The following PDS5A variants were observed in gnomAD, a reference collection of about 807,000 sequenced individuals.
The protein encoded by PDS5A is sister chromatid cohesion protein PDS5 homolog A.
PDS5A carries 42 observed loss-of-function variants against 167.1 expected under a neutral mutation model. The ratio of observed to expected loss-of-function variants is 0.25; its 90% CI spans 0.20 to 0.33. The LOEUF (loss-of-function observed/expected upper bound fraction) is 0.33. Among genes scored for constraint, PDS5A ranks in the 10% least tolerant of loss-of-function variants. PDS5A has a pLI of 1.00. For synonymous variants in PDS5A, 553 were observed against 554.6 expected, an observed-to-expected ratio of 1.00 and a Z score of 0.04; for missense variants, 1,033 against 1,605.9, an observed-to-expected ratio of 0.64 and a Z score of 6.10.
chr4:39,944,128 G>A (rs145887569), intron 2 of PDS5A, among the ~76,000 whole-genome samples: 241 of 138,934 alleles, frequency 1.7e-3, no homozygotes, highest in African/African-American at 6.4e-3. Context: ...GCAGTGAGCC[G>A]AGATCACACC....
chr4:39,909,048 A>ATAAC (rs1560474215), intron 10 of PDS5A, among the ~76,000 whole-genome samples: 8 of 78,956 alleles, frequency 1.0e-4, no homozygotes, highest in East Asian at 1.6e-3. Context: ...CAAAAAATAA[A>ATAAC]ATAAAATAAA....
At chr4:39,886,094 T>C (rs1040113032) in intron 17 of PDS5A, among the ~76,000 whole-genome samples, 3 of 152,258 alleles carry the variant, frequency 2.0e-5, no homozygotes, top group African/African-American at 7.2e-5. Context: ...CCTCCTTGTA[T>C]GTTCTTGACA....
At chr4:39,846,646 A>G (rs1204153954) in intron 28 of PDS5A, 2 of 152,238 alleles carry the variant, frequency 1.3e-5, no homozygotes, top group African/African-American at 4.8e-5. Flanking sequence ...AGGAGTTCAA[A>G]CTTGATCTCT....
At chr4:39,923,638 A>AAC (rs10664167) in intron 5 of PDS5A, among the ~76,000 whole-genome samples, 5,309 of 125,242 alleles carry the variant, frequency 0.042, 167 homozygotes, top group East Asian at 0.13. Context: ...CCTGTCTCAA[A>AAC]ACACACACAC....
intron 26 of PDS5A, among the ~76,000 whole-genome samples, chr4:39,858,177 G>C (rs947313111): frequency 6.6e-6 from 1 of 152,154 alleles, no homozygotes; most frequent in Admixed American, 6.5e-5. Context: ...GCAATATACA[G>C]ATTCAGTCCC....
chr4:39,874,234 T>G, intron 20 of PDS5A, 55 bp downstream of exon 20: 1 of 1,480,794 alleles, frequency 6.8e-7, no homozygotes, highest in Non-Finnish European at 9.3e-7. Context: ...TTCATCAAAC[T>G]ATAGAGCTTA....
At chr4:39,907,505 C>G (rs2109672467) in intron 11 of PDS5A, among the ~76,000 whole-genome samples, 1 of 152,196 alleles carries the variant, frequency 6.6e-6, no homozygotes, top group African/African-American at 2.4e-5. Flanking sequence ...CCTTACACAT[C>G]TGTTTCTTGT....
intron 11 of PDS5A, among the ~76,000 whole-genome samples, chr4:39,906,917 TAAAAAAA>T (rs1191690836): frequency 8.0e-4 from 43 of 54,028 alleles, no homozygotes; most frequent in African/African-American, 2.7e-3. Context: ...ATTTCTTACA[TAAAAAAA>T]AAAAAAAAAA....
intron 2 of PDS5A, among the ~76,000 whole-genome samples, chr4:39,930,246 A>AAAAAAAAAGTTTT: frequency 1.1e-5 from 1 of 93,090 alleles, no homozygotes; most frequent in East Asian, 4.9e-4. Context: ...AAAAAAAAAA[A>AAAAAAAAAGTTTT]GTTTTTTTGT....
At chr4:39,845,726 A>G in intron 29 of PDS5A, 92 bp downstream of exon 29, 1 of 1,243,854 alleles carries the variant, frequency 8.0e-7, no homozygotes, top group Non-Finnish European at 1.0e-6. Flanking sequence ...CAGGAACTAT[A>G]CAATCTAGTG....
At chr4:39,908,288 T>C (rs1336116343) in intron 11 of PDS5A, 107 bp downstream of exon 11, 1 of 866,048 alleles carries the variant, frequency 1.2e-6, no homozygotes, top group African/African-American at 1.7e-5. Context: ...TTGTTATTAA[T>C]TTGATTTTCA....
In PDS5A at chr4:39,863,437, G is replaced by A. The variant is rs1456552052; in HGVS notation, c.2665C>T (p.Arg889Ter). The A allele has an allele frequency of 6.2e-7, 1 of 1,605,036 alleles. No individual in the cohort carries two copies. Among genetic ancestry groups the A allele is most frequent in the Non-Finnish European group, 8.5e-7 (1 of 1,174,950 alleles). ...ATTATGGCACTACCAGCAGCTAATC[G>A]CAAGCGAGACATATCAGATTTACTA... ...RISKSDMSRL[R>*]LAAGSAIMKL... The change falls in exon 24 of 33, where the codon CGA (arginine) becomes TGA (stop). Residue 889 changes from arginine (R) to a stop codon, truncating the protein, a stop_gained. Transcript: ENST00000303538. LOFTEE classifies it high-confidence loss of function.
intron 2 of PDS5A, chr4:39,973,822 C>T: frequency 1.7e-6 from 2 of 1,158,666 alleles, no homozygotes; most frequent in South Asian, 1.2e-5. Context: ...AGCTATTCCA[C>T]AGACTCAGAA....
At chr4:39,845,296 G>A (rs1449098812) in intron 29 of PDS5A, among the ~76,000 whole-genome samples, 1 of 151,966 alleles carries the variant, frequency 6.6e-6, no homozygotes, top group Non-Finnish European at 1.5e-5. Context: ...TAATAACTAG[G>A]TAATATTAAT....
intron 17 of PDS5A, among the ~76,000 whole-genome samples, chr4:39,881,902 T>C (rs1055112614): frequency 7.9e-5 from 12 of 152,184 alleles, no homozygotes; most frequent in Admixed American, 6.5e-5. Context: ...GTTTCCTCCA[T>C]ATTGTTCTTG....
intron 2 of PDS5A, among the ~76,000 whole-genome samples, chr4:39,966,754 T>C (rs1373275616): frequency 6.6e-6 from 1 of 152,104 alleles, no homozygotes. Context: ...TCTCAGTCCT[T>C]TGGGAGGCCA....
intron 11 of PDS5A, among the ~76,000 whole-genome samples, chr4:39,906,869 T>G (rs536728292): frequency 1.3e-4 from 20 of 150,094 alleles, no homozygotes; most frequent in Middle Eastern, 3.4e-3. Context: ...GGAATAAAAC[T>G]TTGTTCCTAT....
At chr4:39,851,017 T>G (rs1052893987) in intron 26 of PDS5A, among the ~76,000 whole-genome samples, 3 of 152,236 alleles carry the variant, frequency 2.0e-5, no homozygotes, top group Non-Finnish European at 4.4e-5. Context: ...TGCATTAGTT[T>G]TTTAGCTTAA....
chr4:39,952,055 C>G (rs1367317981), intron 2 of PDS5A, among the ~76,000 whole-genome samples: 1 of 152,124 alleles, frequency 6.6e-6, no homozygotes, highest in African/African-American at 2.4e-5. Flanking sequence ...ATTGTCCAGG[C>G]ACGGTGGCTC....
Sources: gnomAD v4.1 joint callset for allele counts (sites outside exome capture counted in the v4.1 genomes callset) on GRCh38, gnomAD v4.1.1 for gene constraint, MANE v1.5 for transcripts, NCBI Gene and HGNC (gene_info 2026-07-23, HGNC 2026-07-21) for gene names.